Variants in GFPT1 observed in about 807,000 individuals in gnomAD.
GFPT1 encodes the protein glutamine--fructose-6-phosphate aminotransferase [isomerizing] 1.
Under a neutral mutation model 92.0 loss-of-function variants are expected in GFPT1, and 40 were observed. That is an observed-to-expected ratio of 0.43 (90% CI 0.34 to 0.57). The LOEUF is 0.57. GFPT1 is among the 20% of genes least tolerant of loss of function. The pLI is 0.02. For synonymous variants in GFPT1, 269 were observed against 280.6 expected (o/e 0.96, Z 0.41); for missense variants, 448 against 869.1 (o/e 0.52, Z 6.09).
chr2:69,380,768 C>G (rs1558786576), intron 1 of GFPT1, among the ~76,000 whole-genome samples: 3 of 152,320 alleles, frequency 2.0e-5, no homozygotes, highest in Admixed American at 2.0e-4. Flanking sequence ...TGAACTATGA[C>G]AGCCAAGGAG....
intron 15 of GFPT1, among the ~76,000 whole-genome samples, chr2:69,333,585 A>G (rs1342014185): frequency 6.6e-6 from 1 of 152,228 alleles, no homozygotes; most frequent in Non-Finnish European, 1.5e-5. Flanking sequence ...CTTTTTGTTC[A>G]GCCAAAAACA....
At chr2:69,386,833 G>A (rs561732753) in intron 1 of GFPT1, among the ~76,000 whole-genome samples, 283 of 152,230 alleles carry the variant, frequency 1.9e-3, no homozygotes, top group Admixed American at 2.9e-3. Context: ...GCTAGCCCCC[G>A]GCAAAGGGGG....
intron 3 of GFPT1, among the ~76,000 whole-genome samples, chr2:69,365,664 A>G (rs562985335): frequency 6.6e-6 from 1 of 152,298 alleles, no homozygotes; most frequent in African/African-American, 2.4e-5. Context: ...GGCTCAATCT[A>G]TCAATGAATA....
At chr2:69,360,488 G>A (rs933191987) in intron 4 of GFPT1, among the ~76,000 whole-genome samples, 5 of 148,606 alleles carry the variant, frequency 3.4e-5, no homozygotes, top group African/African-American at 1.3e-4. Context: ...CACCAAGCTG[G>A]AGTACAGTGG....
At chr2:69,364,637 A>G (rs1459338273) in intron 3 of GFPT1, among the ~76,000 whole-genome samples, 1 of 152,260 alleles carries the variant, frequency 6.6e-6, no homozygotes, top group East Asian at 1.9e-4. Context: ...TTAAGAACCG[A>G]GCAATGCTAT....
chr2:69,324,445 A>G lies in GFPT1; in HGVS notation c.*1744T>C, dbSNP rs2104591042. On this transcript the variant is annotated 3_prime_UTR_variant, in exon 20 of 20. Coordinates refer to ENST00000357308, the MANE Select transcript of GFPT1 (RefSeq NM_001244710.2). ...ACACAAAATAATCTTAGAAACAATT[A>G]AAGTAGATTAATATAGCTATAATAG... 1 of 152,350 alleles carries G rather than the reference A, an allele frequency of 6.6e-6. No homozygotes were observed. The highest frequency in any genetic ancestry group is 3.4e-3 in the Middle Eastern group (1 of 294). 9.4% of individuals were successfully genotyped at this position (152,350 alleles called of 1,614,324 possible).
chr2:69,376,751 AAATG>A (rs1219571610), intron 1 of GFPT1, among the ~76,000 whole-genome samples: 1 of 152,234 alleles, frequency 6.6e-6, no homozygotes, highest in East Asian at 1.9e-4. Context: ...GTAAAAGTAA[AAATG>A]TAAGCCAGAT....
intron 7 of GFPT1, 79 bp from the exon 8 acceptor site, chr2:69,354,647 A>G: frequency 1.2e-6 from 1 of 819,280 alleles, no homozygotes; most frequent in South Asian, 1.4e-5. Context: ...ATGGGCCAAT[A>G]CTCTTCAAAT....
chr2:69,337,366 T>C (rs1024320038), intron 15 of GFPT1, among the ~76,000 whole-genome samples: 5 of 152,104 alleles, frequency 3.3e-5, no homozygotes, highest in African/African-American at 1.2e-4. Flanking sequence ...TGCCTGGCAG[T>C]TGCCAAATTT....
intron 11 of GFPT1, among the ~76,000 whole-genome samples, chr2:69,347,943 C>A (rs1440202664): frequency 1.3e-5 from 2 of 152,052 alleles, no homozygotes; most frequent in African/African-American, 4.8e-5. Context: ...GTGTTAATAA[C>A]CTTTTTATAA....
rs910960296 is a variant in GFPT1, at chr2:69,325,072, T to C, written c.*1117A>G. 3 of 152,138 alleles carry C rather than the reference T, an allele frequency of 2.0e-5. No homozygotes were observed. Among genetic ancestry groups the C allele is most frequent in the East Asian group, 1.9e-4 (1 of 5,196 alleles). The allele number at this position is 152,138 out of a possible 1,614,324, so 9.4% of individuals were successfully genotyped here. On this transcript the variant is annotated 3_prime_UTR_variant, in exon 20 of 20. Coordinates refer to ENST00000357308, the MANE Select transcript of GFPT1 (RefSeq NM_001244710.2). ...ATTTGGTGCCTATCAGTGTAAAGCATACATACCTTTTTCTGAGCTTAGCCT... is the reference window on the plus strand; with the variant it reads ...ATTTGGTGCCTATCAGTGTAAAGCACACATACCTTTTTCTGAGCTTAGCCT...
intron 1 of GFPT1, among the ~76,000 whole-genome samples, chr2:69,382,690 T>C (rs1049860564): frequency 3.3e-5 from 5 of 152,234 alleles, no homozygotes; most frequent in Non-Finnish European, 7.3e-5. Context: ...CATCTGGTAG[T>C]AGTTCTCAAA....
intron 15 of GFPT1, chr2:69,334,732 ACACAAGACGTGTTATACAATT>A (rs1670751239): frequency 6.6e-6 from 1 of 152,234 alleles, no homozygotes; most frequent in Non-Finnish European, 1.5e-5. Context: ...GAAGCTAGAC[ACACAAGACGTGTTATACAATT>A]CCATTTACAA....
At chr2:69,346,789 G>A (rs1671093139) in intron 11 of GFPT1, among the ~76,000 whole-genome samples, 2 of 151,382 alleles carry the variant, frequency 1.3e-5, no homozygotes, top group South Asian at 2.1e-4. Context: ...AGTGATCACC[G>A]CAAGATCACC....
chr2:69,321,443 T>C lies in GFPT1; in HGVS notation c.*4746A>G, dbSNP rs1670401219. ...CTAAAGTAGACATTGATTACATTCTTAGTACAATACAATTTCTAACATAAC... is the reference window on the plus strand; with the variant it reads ...CTAAAGTAGACATTGATTACATTCTCAGTACAATACAATTTCTAACATAAC... On this transcript the variant is annotated 3_prime_UTR_variant, in exon 20 of 20. Coordinates refer to ENST00000357308, the MANE Select transcript of GFPT1 (RefSeq NM_001244710.2). 2 of 152,248 alleles carry C rather than the reference T, an allele frequency of 1.3e-5. No homozygotes were observed. The highest frequency in any genetic ancestry group is 2.9e-5 in the Non-Finnish European group (2 of 68,040). 9.4% of individuals were successfully genotyped at this position (152,248 alleles called of 1,614,324 possible). A position where few individuals can be genotyped will look rare whatever the true frequency, so the allele number is the denominator to read the frequency against.
chr2:69,339,390 TGGGGCAG>T (rs1670880888), intron 13 of GFPT1, among the ~76,000 whole-genome samples: 2 of 152,210 alleles, frequency 1.3e-5, no homozygotes, highest in Admixed American at 1.3e-4. Flanking sequence ...TTTTGTGGCA[TGGGGCAG>T]GGGGAATGAA....
At chr2:69,370,426 A>T (rs900864914) in intron 2 of GFPT1, among the ~76,000 whole-genome samples, 7 of 152,234 alleles carry the variant, frequency 4.6e-5, no homozygotes, top group African/African-American at 1.7e-4. Flanking sequence ...GGAGAAATGC[A>T]AAAGATGGGC....
chr2:69,332,112 G>T (rs1018684094), intron 15 of GFPT1, among the ~76,000 whole-genome samples: 2 of 151,736 alleles, frequency 1.3e-5, no homozygotes, highest in African/African-American at 4.8e-5. Flanking sequence ...TAATTTTAGT[G>T]CAAGTTGAAG....
intron 1 of GFPT1, among the ~76,000 whole-genome samples, chr2:69,375,616 C>T (rs963196381): frequency 6.6e-5 from 10 of 152,094 alleles, no homozygotes; most frequent in Non-Finnish European, 1.5e-5. Flanking sequence ...TACAGAAATC[C>T]CATATTTCAT....
Sources: allele counts gnomAD v4.1 joint callset (sites outside exome capture counted in the v4.1 genomes callset), GRCh38; gene constraint gnomAD v4.1.1; transcripts MANE v1.5; gene names NCBI Gene and HGNC (gene_info 2026-07-23, HGNC 2026-07-21).